ZFHX3: variants seen among roughly 807,000 people sequenced by gnomAD.
The protein encoded by ZFHX3 is zinc finger homeobox 3.
ZFHX3 carries 42 observed loss-of-function variants against 279.1 expected under a neutral mutation model. That is an observed-to-expected ratio of 0.15 (90% CI 0.12 to 0.19). The LOEUF is 0.19. ZFHX3 is among the 10% of genes least tolerant of loss of function. ZFHX3 has a pLI of 1.00. For missense variants in ZFHX3, 4,981 were observed against 4,754.0 expected, an observed-to-expected ratio of 1.05 and a Z score of -1.40; for synonymous variants, 2,293 against 1,957.8, an observed-to-expected ratio of 1.17 and a Z score of -4.52.
intron 5 of ZFHX3, among the ~76,000 whole-genome samples, chr16:73,204,757 A>G (rs1228209462): frequency 6.6e-6 from 1 of 152,214 alleles, no homozygotes; most frequent in Non-Finnish European, 1.5e-5. Context: ...TAAATAGCCT[A>G]GCACAACACT....
intron 4 of ZFHX3, among the ~76,000 whole-genome samples, chr16:72,883,480 C>T (rs72795110): frequency 8.3e-4 from 126 of 152,254 alleles, no homozygotes; most frequent in Non-Finnish European, 1.6e-3. Flanking sequence ...TACATCCCAC[C>T]GCCAAAACAG....
chr16:73,087,184 G>A (rs977371772), intron 8 of ZFHX3, among the ~76,000 whole-genome samples: 13 of 151,990 alleles, frequency 8.6e-5, no homozygotes, highest in Non-Finnish European at 1.6e-4. Flanking sequence ...CCTGGTCTAC[G>A]AACACAGTAC....
chr16:73,413,541 A>T (rs907515900), intron 3 of ZFHX3, among the ~76,000 whole-genome samples: 3 of 152,180 alleles, frequency 2.0e-5, no homozygotes, highest in Non-Finnish European at 4.4e-5. Context: ...AATTAGCAAA[A>T]GGCAATCAGT....
intron 1 of ZFHX3, among the ~76,000 whole-genome samples, chr16:73,834,120 C>T (rs1961074369): frequency 1.3e-5 from 2 of 152,102 alleles, no homozygotes; most frequent in African/African-American, 4.8e-5. Flanking sequence ...TGAGCCTCTA[C>T]GAGTTAAAGG....
intron 3 of ZFHX3, among the ~76,000 whole-genome samples, chr16:73,358,429 T>C (rs1480890803): frequency 6.6e-6 from 1 of 152,146 alleles, no homozygotes; most frequent in Non-Finnish European, 1.5e-5. Context: ...CAAGAACCCA[T>C]GAGAAGCTGA....
At position 72,797,464 on chromosome 16, in the gene ZFHX3, G is replaced by T. The variant is rs752172771; in HGVS notation, c.5218C>A (p.Gln1740Lys). The T allele has an allele frequency of 6.4e-7, 1 of 1,561,470 alleles. No individual in the cohort carries two copies. The highest frequency in any genetic ancestry group is 8.6e-7 in the Non-Finnish European group (1 of 1,162,154). ...QQQQQQQQQQ[Q>K]QAQTLAQAQA... ...GCCTGGGCCAGCGTTTGTGCTTGTT[G>T]TTGTTGTTGTTGTTGTTGTTGTTGC... The change falls in exon 9 of 10, where the codon CAA becomes AAA. Residue 1740 changes from glutamine (Q) to lysine (K), a missense_variant. Transcript: ENST00000268489.
intron 2 of ZFHX3, among the ~76,000 whole-genome samples, chr16:73,668,432 T>C (rs2199899): frequency 0.88 from 133,313 of 152,050 alleles, 58,600 homozygotes; most frequent in East Asian, 0.98. Context: ...ATTAGGTATT[T>C]CTCCTAATGC....
At chr16:73,737,885 T>C (rs1314871782) in intron 1 of ZFHX3, among the ~76,000 whole-genome samples, 3 of 152,160 alleles carry the variant, frequency 2.0e-5, no homozygotes, top group Non-Finnish European at 2.9e-5. Context: ...GACAATTTTA[T>C]CAGTCAGGCT....
chr16:73,548,785 G>A (rs74030108), intron 2 of ZFHX3, among the ~76,000 whole-genome samples: 8,080 of 152,138 alleles, frequency 0.053, 742 homozygotes, highest in African/African-American at 0.18. Flanking sequence ...TAAATAAAAT[G>A]TGCCTTTGAA....
At chr16:73,661,334 G>C (rs922555685) in intron 2 of ZFHX3, among the ~76,000 whole-genome samples, 1 of 152,204 alleles carries the variant, frequency 6.6e-6, no homozygotes, top group Non-Finnish European at 1.5e-5. Flanking sequence ...TTAGAGCTTT[G>C]CAGAGTTAAC....
At position 73,685,252 on chromosome 16, in the gene ZFHX3, G is replaced by A. The variant is rs562267299; in HGVS notation, c.-1607-5012C>T. On this transcript the variant is annotated intron_variant, in intron 1 of 17. Transcript: ENST00000641206. ...CAGATGGTCTTGATCTCCTGACCTC[G>A]TGATCCGCCCCCCTCAGCCTCCCAA... Among the ~76,000 whole-genome samples, 9 of 144,448 alleles carry A rather than the reference G, an allele frequency of 6.2e-5. No homozygotes were observed. The South Asian group carries it at 1.6e-3, about 25-fold the overall frequency. 94.8% of individuals were successfully genotyped at this position (144,448 alleles called of 152,430 possible). A position where few individuals can be genotyped will look rare whatever the true frequency, so the allele number is the denominator to read the frequency against.
At chr16:73,563,668 C>T (rs192293899) in intron 2 of ZFHX3, among the ~76,000 whole-genome samples, 58 of 152,290 alleles carry the variant, frequency 3.8e-4, no homozygotes, top group African/African-American at 1.2e-3. Context: ...TCCTCCCACC[C>T]TCCACATCCT....
rs752689508 is a variant in ZFHX3 at position 72,959,068 on chromosome 16, G to A, written c.1078C>T (p.Pro360Ser). 2 of 1,614,122 alleles carry A rather than the reference G, an allele frequency of 1.2e-6. No homozygotes were observed. Among genetic ancestry groups the A allele is most frequent in the Non-Finnish European group, 1.7e-6 (2 of 1,180,034 alleles). ...PLVSTANLIG[P>S]GHSFYGKFSG... ...AATTTACCATAAAAACTGTGTCCGGGGCCTATGAGGTTAGCTGTGGAAACT... is the reference window on the plus strand; with the variant it reads ...AATTTACCATAAAAACTGTGTCCGGAGCCTATGAGGTTAGCTGTGGAAACT... The change falls in exon 2 of 10, where the codon CCC (proline) becomes TCC (serine). Residue 360 changes from proline (P) to serine (S), a missense_variant. Physicochemically the swap from Pro to Ser is moderately conservative, Grantham distance 74. Transcript: ENST00000268489.
At chr16:73,142,507 C>A (rs935597914) in intron 6 of ZFHX3, among the ~76,000 whole-genome samples, 5 of 152,170 alleles carry the variant, frequency 3.3e-5, no homozygotes, top group Admixed American at 2.0e-4. Context: ...GTTTCTCCCC[C>A]CATCGGCAGG....
chr16:73,424,216 T>C (rs1007418616), intron 3 of ZFHX3, among the ~76,000 whole-genome samples: 3 of 152,176 alleles, frequency 2.0e-5, no homozygotes, highest in Non-Finnish European at 2.9e-5. Context: ...GACCACTTAC[T>C]AGTAGTCTCT....
At chr16:73,118,600 T>A (rs1356563086) in intron 7 of ZFHX3, among the ~76,000 whole-genome samples, 2 of 152,092 alleles carry the variant, frequency 1.3e-5, no homozygotes, top group Non-Finnish European at 2.9e-5. Flanking sequence ...GTGTATTGGG[T>A]GTATTGGGGG....
chr16:72,920,890 T>C (rs2039567078), intron 3 of ZFHX3, among the ~76,000 whole-genome samples: 1 of 151,698 alleles, frequency 6.6e-6, no homozygotes, highest in African/African-American at 2.4e-5. Context: ...GGTAAGAAAG[T>C]GAGACCCCCC....
chr16:73,378,123 A>G (rs2016756964), intron 3 of ZFHX3, among the ~76,000 whole-genome samples: 1 of 150,482 alleles, frequency 6.6e-6, no homozygotes, highest in Admixed American at 6.7e-5. Context: ...GATGGAGCTA[A>G]TAGGTCAAAG....
Position 73,706,738 on chromosome 16 carries a change from T to C in ZFHX3, c.-1607-26498A>G, listed in dbSNP as rs574974698. On this transcript the variant is annotated intron_variant, in intron 1 of 17. Coordinates refer to the ZFHX3 transcript ENST00000641206. ...ATGTTTTCTTTATGAGAAACATAGT[T>C]CCCCATCCTTCAAAAGCCATCTCCT... Among the ~76,000 whole-genome samples the C allele has an allele frequency of 2.0e-5, 3 of 152,238 alleles. No homozygotes were observed. The South Asian group carries it at 6.2e-4, about 32-fold the overall frequency.
Sources: gnomAD v4.1 joint callset for allele counts (sites outside exome capture counted in the v4.1 genomes callset) on GRCh38, gnomAD v4.1.1 for gene constraint, MANE v1.5 for transcripts, NCBI Gene and HGNC (gene_info 2026-07-23, HGNC 2026-07-21) for gene names.